Variants in EFCAB14 observed in about 807,000 individuals in gnomAD.
EFCAB14 encodes the protein EF-hand calcium binding domain 14.
A neutral mutation model predicts 56.5 loss-of-function variants in EFCAB14; 43 were observed. The ratio of observed to expected loss-of-function variants is 0.76; its 90% CI spans 0.60 to 0.98. The LOEUF (loss-of-function observed/expected upper bound fraction) is 0.98, where lower values mean the gene tolerates loss of function less well. EFCAB14 is among the 50% of genes least tolerant of loss of function. EFCAB14 has a pLI of 0.00. For synonymous variants in EFCAB14, 235 were observed against 212.9 expected (o/e 1.10, Z -0.90); for missense variants, 538 against 580.3 (o/e 0.93, Z 0.75).
At position 46,689,583 on chromosome 1, in the gene EFCAB14, G is replaced by A. The variant is rs1676957136; in HGVS notation, c.795+4C>T. 1 of 1,613,556 alleles carries A rather than the reference G, an allele frequency of 6.2e-7. No individual in the cohort carries two copies. The highest frequency in any genetic ancestry group is 8.5e-7 in the Non-Finnish European group (1 of 1,179,552). ...CAGGGAGTTAAGCCAGAGATAAAAA[G>A]CACCTGTTTCAAATTCTCACTGTGG... On this transcript the variant is annotated splice_donor_region_variant and intron_variant, in intron 6 of 10. Transcript: ENST00000371933.
rs35092498 is a variant in EFCAB14 at position 46,704,476 on chromosome 1, CAAAAAAAAAAA to C, written c.480+3419_480+3429del. On this transcript the variant is annotated intron_variant, in intron 3 of 10. Transcript: ENST00000371933. ...TGGGTGACACAGTGAGATTGTGTCT[CAAAAAAAAAAA>C]AAAAAAAAAAAGGTCAGAGAGCTTG... Among the ~76,000 whole-genome samples, 8 of 73,986 alleles carry C rather than the reference CAAAAAAAAAAA, an allele frequency of 1.1e-4. 1 individual carries two copies. In the Middle Eastern group the frequency reaches 0.045, roughly 413 times the overall value. 48.5% of individuals were successfully genotyped at this position (73,986 alleles called of 152,430 possible).
chr1:46,690,148 C>A (rs548577429), intron 5 of EFCAB14, among the ~76,000 whole-genome samples: 1 of 152,334 alleles, frequency 6.6e-6, no homozygotes, highest in South Asian at 2.1e-4. Context: ...TTAGCATAAC[C>A]ACCAATCATG....
intron 4 of EFCAB14, 151 bp downstream of exon 4, chr1:46,696,399 AC>A (rs1330766624): frequency 1.4e-6 from 1 of 719,022 alleles, no homozygotes; most frequent in African/African-American, 1.8e-5. Context: ...TCTTTAGGAC[AC>A]AGTGATACAC....
intron 3 of EFCAB14, among the ~76,000 whole-genome samples, chr1:46,705,039 TTA>T (rs1393490659): frequency 4.6e-5 from 7 of 152,242 alleles, no homozygotes; most frequent in African/African-American, 1.7e-4. Flanking sequence ...TAAGTGACAG[TTA>T]TGTTTAGATA....
At chr1:46,693,642 A>G (rs533653953) in intron 4 of EFCAB14, among the ~76,000 whole-genome samples, 1 of 152,208 alleles carries the variant, frequency 6.6e-6, no homozygotes, top group Non-Finnish European at 1.5e-5. Flanking sequence ...GGCTGGATGT[A>G]TGAACCCATT....
At position 46,707,896 on chromosome 1, in the gene EFCAB14, CT is replaced by C; in HGVS notation, c.480+9del. The C allele has an allele frequency of 1.2e-6, 2 of 1,605,852 alleles. No homozygotes were observed. The highest frequency in any genetic ancestry group is 1.7e-6 in the Non-Finnish European group (2 of 1,178,704). The stretch of plus-strand genomic sequence containing the variant: ...CATAGCTTACACAGCAAAAATCAAA[CT>C]TTTAGTACCTGCTTATTCATTTCTG... On this transcript the variant is annotated intron_variant, in intron 3 of 10. Coordinates refer to ENST00000371933, the MANE Select transcript of EFCAB14 (RefSeq NM_014774.3).
chr1:46,715,932 G>A (rs1677382026), intron 2 of EFCAB14, among the ~76,000 whole-genome samples: 1 of 152,042 alleles, frequency 6.6e-6, no homozygotes, highest in African/African-American at 2.4e-5. Flanking sequence ...ACCTGGAAAG[G>A]AGTCCAGGAT....
intron 2 of EFCAB14, among the ~76,000 whole-genome samples, chr1:46,708,282 CAG>C: frequency 6.6e-6 from 1 of 152,282 alleles, no homozygotes; most frequent in Admixed American, 6.5e-5. Flanking sequence ...AAAATCATAA[CAG>C]AATGTGAGCA....
At chr1:46,704,764 A>G (rs1323246376) in intron 3 of EFCAB14, among the ~76,000 whole-genome samples, 1 of 152,242 alleles carries the variant, frequency 6.6e-6, no homozygotes, top group Non-Finnish European at 1.5e-5. Flanking sequence ...GACTCCCTAT[A>G]ACAGTCAAGA....
intron 5 of EFCAB14, among the ~76,000 whole-genome samples, chr1:46,689,964 T>C (rs1186991390): frequency 6.6e-6 from 1 of 152,198 alleles, no homozygotes; most frequent in Non-Finnish European, 1.5e-5. Flanking sequence ...ATGAACTCTC[T>C]AGAAACCATT....
At chr1:46,710,278 G>T (rs902207934) in intron 2 of EFCAB14, among the ~76,000 whole-genome samples, 1 of 152,132 alleles carries the variant, frequency 6.6e-6, no homozygotes, top group Non-Finnish European at 1.5e-5. Context: ...TACATGTAAT[G>T]TATAGTGATC....
At chr1:46,694,237 C>T (rs1383428154) in intron 4 of EFCAB14, among the ~76,000 whole-genome samples, 5 of 151,502 alleles carry the variant, frequency 3.3e-5, no homozygotes, top group Non-Finnish European at 7.4e-5. Context: ...TGGGATCTAA[C>T]TAAACTAAAG....
intron 10 of EFCAB14, among the ~76,000 whole-genome samples, chr1:46,679,105 T>C (rs1406913658): frequency 1.3e-5 from 2 of 152,206 alleles, no homozygotes; most frequent in Non-Finnish European, 2.9e-5. Flanking sequence ...TGATAGGAGC[T>C]AGCTCATAAA....
chr1:46,694,305 A>G (rs149700890), intron 4 of EFCAB14, among the ~76,000 whole-genome samples: 7 of 152,190 alleles, frequency 4.6e-5, no homozygotes, highest in African/African-American at 1.7e-4. Context: ...TACAGAATGG[A>G]AGAAAATTTT....
At chr1:46,686,756 A>T (rs1399094840) in intron 8 of EFCAB14, 28 bp downstream of exon 8, 1 of 1,604,994 alleles carries the variant, frequency 6.2e-7, no homozygotes. Context: ...ATTTACTTTT[A>T]CTTCAGGGTA....
At chr1:46,694,201 T>C (rs1419539692) in intron 4 of EFCAB14, among the ~76,000 whole-genome samples, 2 of 151,758 alleles carry the variant, frequency 1.3e-5, no homozygotes, top group African/African-American at 4.8e-5. Context: ...CCAAAAGCAA[T>C]GGCAACAAAA....
At chr1:46,683,568 T>G (rs912306356) in intron 9 of EFCAB14, 143 bp from the exon 10 acceptor site, 16 of 902,146 alleles carry the variant, frequency 1.8e-5, no homozygotes, top group Non-Finnish European at 2.6e-5. Flanking sequence ...AGTGACTATG[T>G]GAAGTTAAAG....
intron 2 of EFCAB14, among the ~76,000 whole-genome samples, chr1:46,708,945 C>CTTTTT (rs539417579): frequency 6.8e-6 from 1 of 145,998 alleles, no homozygotes; most frequent in African/African-American, 2.5e-5. Context: ...AACCTACATC[C>CTTTTT]TTTTTTTTTT....
Position 46,717,901 on chromosome 1 carries a change from A to G in EFCAB14, c.185+2T>C, listed in dbSNP as rs758855311. On this transcript the variant is annotated splice_donor_variant, in intron 1 of 10. Transcript: ENST00000371933. LOFTEE classifies it high-confidence loss of function. Reference sequence around the variant, plus strand: ...CCCATTCCACCTTTCACCACTACTCACTTGGCAAAGCGAGAGCGATTTCCA... The same window carrying G: ...CCCATTCCACCTTTCACCACTACTCGCTTGGCAAAGCGAGAGCGATTTCCA... The G allele has an allele frequency of 8.1e-6, 13 of 1,611,940 alleles. No homozygotes were observed. Among genetic ancestry groups the G allele is most frequent in the Non-Finnish European group, 1.0e-5 (12 of 1,179,318 alleles).
Sources: gnomAD v4.1 joint callset for allele counts (sites outside exome capture counted in the v4.1 genomes callset) on GRCh38, gnomAD v4.1.1 for gene constraint, MANE v1.5 for transcripts, NCBI Gene and HGNC (gene_info 2026-07-23, HGNC 2026-07-21) for gene names.